The following PXDNL variants were observed in gnomAD, a reference collection of about 807,000 sequenced individuals.
The protein encoded by PXDNL is probable oxidoreductase PXDNL.
Under a neutral mutation model 150.8 loss-of-function variants are expected in PXDNL, and 145 were observed. The observed-to-expected ratio is 0.96, with a 90% CI of 0.84 to 1.10. The LOEUF (loss-of-function observed/expected upper bound fraction) is 1.10, where lower values mean the gene tolerates loss of function less well. Ranked by LOEUF, PXDNL falls within the 50% of genes least tolerant of loss-of-function variation. The pLI, the probability that PXDNL is intolerant of heterozygous loss-of-function variation, is 0.00. For synonymous variants in PXDNL, 757 were observed against 725.7 expected (o/e 1.04, Z -0.69); for missense variants, 2,087 against 1,873.9 (o/e 1.11, Z -2.10).
intron 19 of PXDNL, among the ~76,000 whole-genome samples, chr8:51,348,361 T>C (rs1177242139): frequency 4.6e-5 from 7 of 152,146 alleles, no homozygotes; most frequent in Non-Finnish European, 8.8e-5. Flanking sequence ...ACACTGCAGG[T>C]ATACACAGAT....
At chr8:51,597,572 A>G (rs1006141961) in intron 2 of PXDNL, among the ~76,000 whole-genome samples, 9 of 150,450 alleles carry the variant, frequency 6.0e-5, no homozygotes, top group African/African-American at 2.2e-4. Flanking sequence ...GTCATCTGTG[A>G]TTTCTTTTAG....
intron 17 of PXDNL, among the ~76,000 whole-genome samples, chr8:51,390,949 T>A (rs1244510548): frequency 6.6e-6 from 1 of 152,040 alleles, no homozygotes; most frequent in Non-Finnish European, 1.5e-5. Context: ...CCTGTGTCCA[T>A]GTGTTCTCAC....
At chr8:51,529,487 C>A (rs1811843418) in intron 4 of PXDNL, among the ~76,000 whole-genome samples, 1 of 152,170 alleles carries the variant, frequency 6.6e-6, no homozygotes, top group South Asian at 2.1e-4. Flanking sequence ...CTTGTAATTT[C>A]ATTTGCCTTT....
At chr8:51,519,028 G>A (rs1408905999) in intron 4 of PXDNL, among the ~76,000 whole-genome samples, 1 of 152,212 alleles carries the variant, frequency 6.6e-6, no homozygotes, top group East Asian at 1.9e-4. Context: ...GAAACTTTGG[G>A]ATAGGAAATG....
intron 12 of PXDNL, among the ~76,000 whole-genome samples, chr8:51,442,088 C>A (rs1055614352): frequency 6.6e-6 from 1 of 151,980 alleles, no homozygotes; most frequent in Non-Finnish European, 1.5e-5. Context: ...GTGACATGGA[C>A]CCAGGGTCAC....
intron 10 of PXDNL, among the ~76,000 whole-genome samples, chr8:51,449,424 G>A (rs1484791721): frequency 6.6e-6 from 1 of 152,108 alleles, no homozygotes; most frequent in Non-Finnish European, 1.5e-5. Context: ...TAGTAGATGT[G>A]ATAAACATAT....
chr8:51,463,607 C>A (rs1051897031), intron 8 of PXDNL, among the ~76,000 whole-genome samples: 2 of 152,020 alleles, frequency 1.3e-5, no homozygotes, highest in African/African-American at 4.8e-5. Flanking sequence ...GACACTTGAC[C>A]AACCAGACTT....
chr8:51,354,381 A>T (rs1392423738), intron 19 of PXDNL, among the ~76,000 whole-genome samples: 1 of 152,120 alleles, frequency 6.6e-6, no homozygotes, highest in Non-Finnish European at 1.5e-5. Flanking sequence ...ATTGGTAACA[A>T]GGACTTGTGA....
chr8:51,407,490 T>C (rs1036143441), intron 17 of PXDNL, among the ~76,000 whole-genome samples: 4 of 152,250 alleles, frequency 2.6e-5, no homozygotes, highest in African/African-American at 9.6e-5. Flanking sequence ...TGAGGAACAG[T>C]TGAATCTCAT....
intron 2 of PXDNL, among the ~76,000 whole-genome samples, chr8:51,631,011 C>A (rs767062893): frequency 6.6e-6 from 1 of 152,044 alleles, no homozygotes; most frequent in South Asian, 2.1e-4. Flanking sequence ...TTCATAACAA[C>A]GAAGACACAG....
At chr8:51,490,697 G>T (rs1810870667) in intron 5 of PXDNL, among the ~76,000 whole-genome samples, 1 of 145,026 alleles carries the variant, frequency 6.9e-6, no homozygotes, top group South Asian at 2.2e-4. Context: ...CATACAAATA[G>T]TTCACTCATC....
chr8:51,728,909 C>A (rs990435469), intron 1 of PXDNL, among the ~76,000 whole-genome samples: 1 of 152,188 alleles, frequency 6.6e-6, no homozygotes, highest in African/African-American at 2.4e-5. Flanking sequence ...CCCAGAGCAA[C>A]TTCCATCCTG....
intron 5 of PXDNL, among the ~76,000 whole-genome samples, chr8:51,498,833 C>A (rs955214540): frequency 2.6e-5 from 4 of 152,186 alleles, no homozygotes; most frequent in Non-Finnish European, 5.9e-5. Context: ...TAAAATAGAA[C>A]TATGCAAGTT....
intron 19 of PXDNL, among the ~76,000 whole-genome samples, chr8:51,370,626 T>C (rs920581456): frequency 6.6e-6 from 1 of 152,178 alleles, no homozygotes; most frequent in African/African-American, 2.4e-5. Context: ...TCATTGAGTC[T>C]GGCTCTGTCA....
At chr8:51,376,332 A>G (rs1369541855) in intron 17 of PXDNL, among the ~76,000 whole-genome samples, 1 of 152,040 alleles carries the variant, frequency 6.6e-6, no homozygotes, top group African/African-American at 2.4e-5. Flanking sequence ...TTGTTAGTCA[A>G]CTCTCATCAC....
intron 21 of PXDNL, among the ~76,000 whole-genome samples, chr8:51,331,886 G>A (rs1805700607): frequency 6.6e-6 from 1 of 152,030 alleles, no homozygotes; most frequent in South Asian, 2.1e-4. Flanking sequence ...GCCCCCAACT[G>A]ATGGTCCCTC....
At chr8:51,605,436 A>G (rs890381045) in intron 2 of PXDNL, among the ~76,000 whole-genome samples, 11 of 152,138 alleles carry the variant, frequency 7.2e-5, no homozygotes, top group Middle Eastern at 6.8e-3. Flanking sequence ...AAAAAAAGAA[A>G]GAATCTGAAT....
At position 51,593,200 on chromosome 8, in the gene PXDNL, G is replaced by T. The variant is rs111972077; in HGVS notation, c.237-502C>A. 5.9e-3 allele frequency among the ~76,000 whole-genome samples: 899 copies of T among 152,212 alleles called. 3 individuals carry two copies. Among genetic ancestry groups the T allele is most frequent in the African/African-American group, 0.02 (851 of 41,538 alleles). Reference sequence around the variant, plus strand: ...GAGGCTCTTATTATAGTAGTATCCAGTGGTCCAAAAACGATTTCTAAAAAA... The same window carrying T: ...GAGGCTCTTATTATAGTAGTATCCATTGGTCCAAAAACGATTTCTAAAAAA... On this transcript the variant is annotated intron_variant, in intron 2 of 22. Transcript: ENST00000356297.
intron 1 of PXDNL, among the ~76,000 whole-genome samples, chr8:51,673,956 G>A (rs1379952827): frequency 6.6e-6 from 1 of 152,180 alleles, no homozygotes; most frequent in African/African-American, 2.4e-5. Context: ...AAGAACTTAA[G>A]AAGTTATTTT....
Sources: gnomAD v4.1 joint callset for allele counts (sites outside exome capture counted in the v4.1 genomes callset) on GRCh38, gnomAD v4.1.1 for gene constraint, MANE v1.5 for transcripts, NCBI Gene and HGNC (gene_info 2026-07-23, HGNC 2026-07-21) for gene names.